Variants in WAC observed in about 807,000 individuals in gnomAD.
The protein encoded by WAC is WW domain-containing adapter protein with coiled-coil.
Under a neutral mutation model 79.6 loss-of-function variants are expected in WAC, and 11 were observed. That is an observed-to-expected ratio of 0.14 (90% CI 0.09 to 0.23). The LOEUF is 0.23. Among genes scored for constraint, WAC ranks in the 10% least tolerant of loss-of-function variants. The probability of loss-of-function intolerance (pLI) is 1.00; values close to 1 mark genes in which losing one functional copy is unlikely to be tolerated. For missense variants in WAC, 728 were observed against 773.5 expected (o/e 0.94, Z 0.70); for synonymous variants, 304 against 276.9 (o/e 1.10, Z -0.97).
chr10:28,589,791 A>G lies in WAC; in HGVS notation c.437A>G (p.Tyr146Cys), dbSNP rs1554787110. 2 of 1,613,978 alleles carry G rather than the reference A, an allele frequency of 1.2e-6. No individual in the cohort carries two copies. Among genetic ancestry groups the G allele is most frequent in the Non-Finnish European group, 1.7e-6 (2 of 1,179,908 alleles). Residue 146 changes from tyrosine to cysteine, a missense_variant, in exon 5 of 14, where the codon TAC becomes TGC. Coordinates refer to ENST00000354911, the MANE Select transcript of WAC (RefSeq NM_016628.5). ...SEHISSSGKKYYYNCRTEVSQ... is the reference protein window; with the variant it reads ...SEHISSSGKKCYYNCRTEVSQ... ...CATATTAGCTCTTCTGGGAAAAAGT[A>G]CTACTACAATTGTCGAACAGAAGTT...
At chr10:28,534,656 C>G (rs1166281420) in intron 2 of WAC, among the ~76,000 whole-genome samples, 5 of 152,138 alleles carry the variant, frequency 3.3e-5, no homozygotes, top group African/African-American at 1.2e-4. Context: ...GTGTGAAGTT[C>G]TAAGGATTAT....
At chr10:28,552,858 T>C (rs1211650720) in intron 3 of WAC, among the ~76,000 whole-genome samples, 1 of 147,810 alleles carries the variant, frequency 6.8e-6, no homozygotes, top group Non-Finnish European at 1.5e-5. Context: ...TTTTTTTTTT[T>C]TTTTTTTTTT....
intron 3 of WAC, among the ~76,000 whole-genome samples, chr10:28,581,798 G>T (rs967475773): frequency 2.6e-5 from 4 of 152,112 alleles, no homozygotes; most frequent in African/African-American, 9.7e-5. Context: ...TGGACCTCGG[G>T]TGATCCACCT....
Position 28,608,952 on chromosome 10 carries a change from ATTT to A in WAC, c.1165+522_1165+524del, listed in dbSNP as rs545986405. 3.5e-4 allele frequency among the ~76,000 whole-genome samples: 53 copies of A among 152,306 alleles called. No homozygotes were observed. In the East Asian group the frequency reaches 7.9e-3, roughly 23 times the overall value. On this transcript the variant is annotated intron_variant, in intron 8 of 13. Coordinates refer to ENST00000354911, the MANE Select transcript of WAC (RefSeq NM_016628.5). ...CATTTTTTTCCTGGTGAATTGCATT[ATTT>A]AATTCCAGCCTTGCTTTTCAGTAAT...
chr10:28,541,401 T>TTGTG (rs1326093412), intron 3 of WAC, among the ~76,000 whole-genome samples: 11 of 97,412 alleles, frequency 1.1e-4, no homozygotes, highest in Non-Finnish European at 1.9e-4. Context: ...TTTTGTGGGG[T>TTGTG]TGTGTGTGTG....
At chr10:28,556,922 T>A (rs937846220) in intron 3 of WAC, among the ~76,000 whole-genome samples, 1 of 152,204 alleles carries the variant, frequency 6.6e-6, no homozygotes, top group African/African-American at 2.4e-5. Flanking sequence ...GTTTCTGTTT[T>A]TATACCAGAA....
At chr10:28,597,141 A>T (rs1840418379) in intron 7 of WAC, among the ~76,000 whole-genome samples, 1 of 152,114 alleles carries the variant, frequency 6.6e-6, no homozygotes, top group African/African-American at 2.4e-5. Context: ...TTTAGTATAT[A>T]TATCATACAG....
chr10:28,616,103 T>G lies in WAC; in HGVS notation c.1557-70T>G. 3.2e-6 allele frequency: 4 copies of G among 1,264,862 alleles called. No homozygotes were observed. The South Asian group carries it at 7.0e-5, about 22-fold the overall frequency. The allele number at this position is 1,264,862 out of a possible 1,614,324, so 78.4% of individuals were successfully genotyped here. A position where few individuals can be genotyped will look rare whatever the true frequency, so the allele number is the denominator to read the frequency against. On this transcript the variant is annotated intron_variant, in intron 11 of 13. Transcript: ENST00000354911. ...TTTAAGTTAATAAAAGGTATTAACATGCAGTTTCTAGGATAAGGATACCCA... is the reference window on the plus strand; with the variant it reads ...TTTAAGTTAATAAAAGGTATTAACAGGCAGTTTCTAGGATAAGGATACCCA...
intron 7 of WAC, 72 bp from the exon 8 acceptor site, chr10:28,608,114 G>A: frequency 6.4e-7 from 1 of 1,565,402 alleles, no homozygotes; most frequent in Non-Finnish European, 8.7e-7. Context: ...GCACATGAGA[G>A]GTGTTCCTTT....
At chr10:28,616,640 G>A (rs1301387746) in intron 12 of WAC, among the ~76,000 whole-genome samples, 1 of 152,186 alleles carries the variant, frequency 6.6e-6, no homozygotes, top group African/African-American at 2.4e-5. Context: ...AAACAGCTAA[G>A]CAGTGTAGAT....
At chr10:28,539,402 A>G (rs1357991692) in intron 3 of WAC, among the ~76,000 whole-genome samples, 1 of 152,250 alleles carries the variant, frequency 6.6e-6, no homozygotes, top group Non-Finnish European at 1.5e-5. Flanking sequence ...ATTAAAGGAA[A>G]TAATGTCTAT....
At chr10:28,547,791 T>G (rs572811783) in intron 3 of WAC, among the ~76,000 whole-genome samples, 23 of 152,272 alleles carry the variant, frequency 1.5e-4, no homozygotes, top group Non-Finnish European at 2.5e-4. Flanking sequence ...TTTAGAGTTT[T>G]TCCTTCTTTA....
intron 7 of WAC, among the ~76,000 whole-genome samples, chr10:28,596,895 CT>C (rs1314118092): frequency 3.3e-5 from 5 of 152,020 alleles, no homozygotes; most frequent in African/African-American, 1.2e-4. Flanking sequence ...AGTTGGATTT[CT>C]TTTGTTTCTG....
chr10:28,591,039 C>G (rs996547172), intron 6 of WAC: 1 of 502,302 alleles, frequency 2.0e-6, no homozygotes, highest in Non-Finnish European at 3.6e-6. Context: ...GTATGTGTTT[C>G]CCACTACACA....
intron 9 of WAC, 173 bp downstream of exon 9, chr10:28,610,994 T>C: frequency 2.9e-6 from 2 of 687,800 alleles, no homozygotes; most frequent in Non-Finnish European, 4.5e-6. Flanking sequence ...AGTATTTTTA[T>C]TTCCTTTCTT....
At chr10:28,539,055 G>T (rs12414104) in intron 3 of WAC, among the ~76,000 whole-genome samples, 33,902 of 151,832 alleles carry the variant, frequency 0.22, 4,654 homozygotes, top group Non-Finnish European at 0.28. Flanking sequence ...AAGATTTAAT[G>T]ATTTTCTTTA....
At chr10:28,603,713 C>T (rs1564413192) in intron 7 of WAC, among the ~76,000 whole-genome samples, 1 of 151,260 alleles carries the variant, frequency 6.6e-6, no homozygotes, top group Non-Finnish European at 1.5e-5. Flanking sequence ...CAGGTGGATC[C>T]ACGAGGTCAG....
intron 2 of WAC, chr10:28,535,342 T>G (rs1462426137): frequency 3.6e-5 from 13 of 362,822 alleles, no homozygotes; most frequent in Non-Finnish European, 4.7e-5. Flanking sequence ...TGGGTTTTTT[T>G]TGTGTTTAGT....
chr10:28,597,582 C>G (rs747320981), intron 7 of WAC, among the ~76,000 whole-genome samples: 5 of 152,046 alleles, frequency 3.3e-5, no homozygotes, highest in Non-Finnish European at 5.9e-5. Flanking sequence ...GGTTCTTTTT[C>G]TTGTTAACCA....
Sources: gnomAD v4.1 joint callset for allele counts (sites outside exome capture counted in the v4.1 genomes callset) on GRCh38, gnomAD v4.1.1 for gene constraint, MANE v1.5 for transcripts, NCBI Gene and HGNC (gene_info 2026-07-23, HGNC 2026-07-21) for gene names.